Variants in RAP1GDS1 observed in about 807,000 individuals in gnomAD.
The protein encoded by RAP1GDS1 is Rap1 GTPase-GDP dissociation stimulator 1.
Under a neutral mutation model 71.1 loss-of-function variants are expected in RAP1GDS1, and 35 were observed. The observed-to-expected ratio is 0.49, with a 90% CI of 0.38 to 0.65. The LOEUF is 0.65. RAP1GDS1 is among the 30% of genes least tolerant of loss of function. The pLI is 0.00. For missense variants in RAP1GDS1, 663 were observed against 706.1 expected (o/e 0.94, Z 0.69); for synonymous variants, 229 against 243.1 (o/e 0.94, Z 0.54).
chr4:98,409,396 G>GTGATAT (rs1415952602), intron 7 of RAP1GDS1: 1 of 153,672 alleles, frequency 6.5e-6, no homozygotes, highest in Non-Finnish European at 1.5e-5. Flanking sequence ...TACAGGAAAG[G>GTGATAT]TGATATTGTA....
chr4:98,433,603 TTTA>T (rs1445610793), intron 12 of RAP1GDS1, among the ~76,000 whole-genome samples: 1 of 152,126 alleles, frequency 6.6e-6, no homozygotes, highest in Non-Finnish European at 1.5e-5. Flanking sequence ...AATTCCAAGT[TTTA>T]TTCTTGTTTG....
Position 98,442,176 on chromosome 4 carries a change from C to T in RAP1GDS1, c.*59C>T, listed in dbSNP as rs1178022733. ...AATTTCCCCTCTGTCCTCCATCCAG[C>T]GGCTTCTTCCGCTTCATTCTCTACC... is the stretch of plus-strand genomic sequence containing the variant. On this transcript the variant is annotated 3_prime_UTR_variant, in exon 15 of 15. Coordinates refer to ENST00000408927, the MANE Select transcript of RAP1GDS1 (RefSeq NM_001100427.2). 26 of 1,583,368 alleles carry T rather than the reference C, an allele frequency of 1.6e-5. No homozygotes were observed. The highest frequency in any genetic ancestry group is 1.4e-4 in the South Asian group (12 of 88,470).
At chr4:98,328,951 G>C (rs72896325) in intron 2 of RAP1GDS1, among the ~76,000 whole-genome samples, 2 of 152,222 alleles carry the variant, frequency 1.3e-5, no homozygotes, top group South Asian at 4.1e-4. Flanking sequence ...GCAGATTTTA[G>C]ATTTTACCTA....
At chr4:98,394,422 A>G (rs1319361672) in intron 6 of RAP1GDS1, among the ~76,000 whole-genome samples, 1 of 152,172 alleles carries the variant, frequency 6.6e-6, no homozygotes, top group East Asian at 1.9e-4. Flanking sequence ...GTTTAGTCAC[A>G]GGAGTTACAG....
At position 98,442,051 on chromosome 4, in the gene RAP1GDS1, T is replaced by A; in HGVS notation, c.1758T>A (p.Ser586Arg). The change falls in exon 15 of 15, where the codon AGT becomes AGA. Residue 586 changes from serine (S) to arginine (R), a missense_variant. By Grantham distance (110) the Ser-to-Arg change is moderately radical (BLOSUM62 -1). Transcript: ENST00000408927. ...AFLDVVSKLRSHENKSVAQQA... is the reference protein window; with the variant it reads ...AFLDVVSKLRRHENKSVAQQA... ...TAGATGTCGTATCCAAACTTCGCAGTCATGAGAACAAAAGTGTTGCCCAGC... is the reference window on the plus strand; with the variant it reads ...TAGATGTCGTATCCAAACTTCGCAGACATGAGAACAAAAGTGTTGCCCAGC... 3 of 1,614,100 alleles carry A rather than the reference T, an allele frequency of 1.9e-6. No individual in the cohort carries two copies. The highest frequency in any genetic ancestry group is 2.2e-5 in the East Asian group (1 of 44,876).
chr4:98,318,097 C>T lies in RAP1GDS1; in HGVS notation c.112+24582C>T, dbSNP rs567187431. Among the ~76,000 whole-genome samples the T allele has an allele frequency of 1.2e-4, 19 of 152,258 alleles. No homozygotes were observed. In the South Asian group the frequency reaches 3.7e-3, roughly 30 times the overall value. ...ATCTCAAGTGATTTGCCCGCCTTGG[C>T]CTCCTAAAGTGTTGGGATTACAGGC... On this transcript the variant is annotated intron_variant, in intron 2 of 14. Coordinates refer to ENST00000408927, the MANE Select transcript of RAP1GDS1 (RefSeq NM_001100427.2).
intron 2 of RAP1GDS1, among the ~76,000 whole-genome samples, chr4:98,294,367 T>C (rs1483165585): frequency 6.6e-6 from 1 of 152,114 alleles, no homozygotes; most frequent in African/African-American, 2.4e-5. Flanking sequence ...TTTTTTATTT[T>C]TTAGTAAACC....
intron 1 of RAP1GDS1, among the ~76,000 whole-genome samples, chr4:98,271,033 T>C (rs1360216044): frequency 6.6e-6 from 1 of 152,202 alleles, no homozygotes; most frequent in Non-Finnish European, 1.5e-5. Flanking sequence ...GTTTATGTTA[T>C]TGGTAAGGCT....
intron 6 of RAP1GDS1, among the ~76,000 whole-genome samples, chr4:98,398,882 A>G (rs527347130): frequency 7.7e-4 from 117 of 152,328 alleles, no homozygotes; most frequent in Non-Finnish European, 1.3e-3. Context: ...TGAAAGACCT[A>G]CAAGGAAAAC....
In RAP1GDS1 at chr4:98,410,383, C is replaced by T. The variant is rs79362674; in HGVS notation, c.763+5781C>T. 5.2e-3 allele frequency among the ~76,000 whole-genome samples: 795 copies of T among 152,250 alleles called. 8 individuals are homozygous for T. The highest frequency in any genetic ancestry group is 6.8e-3 in the Admixed American group (104 of 15,288). ...AAAACCACAATAAAATACCACTATA[C>T]ACCCACTGGAAAGTCTCATAAACCA... On this transcript the variant is annotated intron_variant, in intron 7 of 14. Transcript: ENST00000408927.
rs1751954320 is a variant in RAP1GDS1 at position 98,442,085 on chromosome 4, C to G, written c.1792C>G (p.Leu598Val). ...CAAAAGTGTTGCCCAGCAGGCCTCT[C>G]TCACAGAGCAGAGACTTACTGTGGA... is the stretch of plus-strand genomic sequence containing the variant. ...ENKSVAQQAS[L>V]TEQRLTVES The change falls in exon 15 of 15, where the codon CTC (leucine) becomes GTC (valine). Residue 598 changes from leucine to valine, a missense_variant. Coordinates refer to ENST00000408927, the MANE Select transcript of RAP1GDS1 (RefSeq NM_001100427.2). 1 of 1,613,892 alleles carries G rather than the reference C, an allele frequency of 6.2e-7. No individual in the cohort carries two copies. Among genetic ancestry groups the G allele is most frequent in the Non-Finnish European group, 8.5e-7 (1 of 1,179,994 alleles).
chr4:98,261,447 C>G lies in RAP1GDS1; in HGVS notation c.-119C>G. ...CAGCTGCTCCTCCCCGGCGGCCGCC[C>G]CCCGCGGGTCCCTCCCTGGCTGCGG... On this transcript the variant is annotated 5_prime_UTR_variant, in exon 1 of 15. Transcript: ENST00000408927. 9.2e-7 allele frequency: 1 copy of G among 1,084,938 alleles called. No individual in the cohort carries two copies. The highest frequency in any genetic ancestry group is 1.2e-6 in the Non-Finnish European group (1 of 809,422). 67.2% of individuals were successfully genotyped at this position (1,084,938 alleles called of 1,614,324 possible).
At chr4:98,363,478 C>CAAAAAAAAAAAAAAAAAAAAAAAAA (rs34393905) in intron 4 of RAP1GDS1, among the ~76,000 whole-genome samples, 6 of 37,730 alleles carry the variant, frequency 1.6e-4, no homozygotes, top group African/African-American at 4.9e-4. Flanking sequence ...GACCCTGTCT[C>CAAAAAAAAAAAAAAAAAAAAAAAAA]AAAAAAAAAA....
Position 98,343,182 on chromosome 4 carries a change from G to A in RAP1GDS1, c.156G>A (p.Gln52=), listed in dbSNP as rs576555871. 6.2e-7 allele frequency: 1 copy of A among 1,608,274 alleles called. No homozygotes were observed. The highest frequency in any genetic ancestry group is 2.2e-5 in the East Asian group (1 of 44,794). The change falls in exon 3 of 15, where the codon CAG becomes CAA. Residue 52 remains glutamine, a synonymous_variant. Coordinates refer to ENST00000408927, the MANE Select transcript of RAP1GDS1 (RefSeq NM_001100427.2). ...AAATCCAAGCAAGTGGAATACTTCA[G>A]CTGTTTGCAAGTCTGTTGACTCCAC... ...SEKIQASGIL[Q]LFASLLTPQS...
chr4:98,281,553 A>T (rs1407759568), intron 1 of RAP1GDS1, among the ~76,000 whole-genome samples: 1 of 152,168 alleles, frequency 6.6e-6, no homozygotes, highest in Non-Finnish European at 1.5e-5. Context: ...GTCATCTGCA[A>T]ACAGGGACAA....
intron 5 of RAP1GDS1, chr4:98,379,413 A>G: frequency 3.1e-6 from 1 of 323,494 alleles, no homozygotes; most frequent in Non-Finnish European, 5.5e-6. Flanking sequence ...ACAGCCCTAT[A>G]GTATGATTTA....
intron 5 of RAP1GDS1, among the ~76,000 whole-genome samples, chr4:98,391,521 T>C (rs910810310): frequency 1.3e-5 from 2 of 152,110 alleles, no homozygotes; most frequent in East Asian, 3.8e-4. Context: ...TTCTAAGATT[T>C]TTTTCTTTCT....
At chr4:98,312,478 C>T (rs1730373619) in intron 2 of RAP1GDS1, among the ~76,000 whole-genome samples, 1 of 152,046 alleles carries the variant, frequency 6.6e-6, no homozygotes, top group Admixed American at 6.6e-5. Flanking sequence ...TGTCATATTC[C>T]TTATTTCCTG....
chr4:98,434,293 A>C (rs1750852298), intron 13 of RAP1GDS1, among the ~76,000 whole-genome samples: 1 of 152,198 alleles, frequency 6.6e-6, no homozygotes, highest in Admixed American at 6.5e-5. Context: ...TTTAACTTTT[A>C]AATAATGTCT....
Sources: gnomAD v4.1 joint callset for allele counts (sites outside exome capture counted in the v4.1 genomes callset) on GRCh38, gnomAD v4.1.1 for gene constraint, MANE v1.5 for transcripts, NCBI Gene and HGNC (gene_info 2026-07-23, HGNC 2026-07-21) for gene names.